The following PDZD2 variants were observed in gnomAD, a reference collection of about 807,000 sequenced individuals.
PDZD2 encodes PDZ domain-containing protein 2.
Under a neutral mutation model 220.7 loss-of-function variants are expected in PDZD2, and 90 were observed. That is an observed-to-expected ratio of 0.41 (90% confidence interval 0.34 to 0.49). The LOEUF (loss-of-function observed/expected upper bound fraction) is 0.49, where lower values mean the gene tolerates loss of function less well. Ranked by LOEUF, PDZD2 falls within the 20% of genes least tolerant of loss-of-function variation. PDZD2 has a pLI of 0.28. For synonymous variants in PDZD2, 1,375 were observed against 1,450.5 expected (o/e 0.95, Z 1.18); for missense variants, 3,174 against 3,608.5 (o/e 0.88, Z 3.08).
At chr5:31,986,928 A>G (rs1316047786) in intron 3 of PDZD2, among the ~76,000 whole-genome samples, 3 of 152,186 alleles carry the variant, frequency 2.0e-5, no homozygotes, top group African/African-American at 7.2e-5. Flanking sequence ...TATTTTCTTT[A>G]AACAAATTTT....
rs779255765 is a variant in PDZD2 at position 32,000,245 on chromosome 5, A to C, written c.1228A>C (p.Met410Leu). ...GGCCATTCTTCGCTCCGCCACGGGA[A>C]TGGTGCAGCTTGTGGTGGCCAGCAA... The part of the protein sequence containing the change: ...AVAILRSATG[M>L]VQLVVASKEN... The change falls in exon 5 of 25, where the codon ATG (methionine) becomes CTG (leucine). Residue 410 changes from methionine (M) to leucine (L), a missense_variant. Around this residue, in one of 4 missense-constraint regions of PDZD2, gnomAD observed 632 missense variants for 708.1 expected, o/e 0.89. Coordinates refer to ENST00000438447, the MANE Select transcript of PDZD2 (RefSeq NM_178140.4). This position sits in a 1 kb window ranked among gnomAD's most constrained non-coding sequence, Gnocchi z 4.5. The C allele has an allele frequency of 6.2e-7, 1 of 1,614,094 alleles. No homozygotes were observed. Among genetic ancestry groups the C allele is most frequent in the Non-Finnish European group, 8.5e-7 (1 of 1,179,980 alleles).
intron 1 of PDZD2, among the ~76,000 whole-genome samples, chr5:31,668,876 A>T (rs532352243): frequency 8.2e-4 from 125 of 152,344 alleles, no homozygotes; most frequent in African/African-American, 3.0e-3. Flanking sequence ...TTTTAATAAA[A>T]ATTAAAATAG....
intron 1 of PDZD2, among the ~76,000 whole-genome samples, chr5:31,769,551 CT>C: frequency 6.6e-6 from 1 of 152,320 alleles, no homozygotes; most frequent in South Asian, 2.1e-4. Flanking sequence ...TGAATTTTGC[CT>C]AAAAGAGCCC....
At chr5:31,865,629 T>C (rs1400539236) in intron 2 of PDZD2, among the ~76,000 whole-genome samples, 7 of 104,452 alleles carry the variant, frequency 6.7e-5, no homozygotes, top group African/African-American at 2.4e-4. Flanking sequence ...AACTTTTTTT[T>C]TTTTTTTTTT....
intron 1 of PDZD2, among the ~76,000 whole-genome samples, chr5:31,781,309 G>T (rs1173868014): frequency 6.6e-6 from 1 of 152,220 alleles, no homozygotes; most frequent in Non-Finnish European, 1.5e-5. Flanking sequence ...AGCTACTCAT[G>T]AGGCTGAGGC....
rs201822397 is a variant in PDZD2, at chr5:32,098,555, C to T, written c.8139C>T (p.Pro2713=). 9.4e-5 allele frequency: 152 copies of T among 1,614,048 alleles called. 1 individual carries two copies. In the Middle Eastern group the frequency reaches 1.2e-3, roughly 12 times the overall value. The change falls in exon 23 of 25, where the codon CCC becomes CCT. Residue 2713 remains proline, a synonymous_variant. Coordinates refer to ENST00000438447, the MANE Select transcript of PDZD2 (RefSeq NM_178140.4). This position sits in a 1 kb window ranked among gnomAD's most constrained non-coding sequence, Gnocchi z 4.1. ...VIKKGMDQPR[P]SARQEPPTAN... is the part of the protein sequence containing the mutation. Reference sequence around the variant, plus strand: ...AGAAAGGGATGGATCAGCCCAGGCCCTCTGCCCGGCAGGAGCCTCCCACAG... The same window carrying T: ...AGAAAGGGATGGATCAGCCCAGGCCTTCTGCCCGGCAGGAGCCTCCCACAG...
At chr5:31,886,179 G>A (rs145053171) in intron 2 of PDZD2, among the ~76,000 whole-genome samples, 22 of 152,264 alleles carry the variant, frequency 1.4e-4, no homozygotes, top group African/African-American at 1.9e-4. Flanking sequence ...GGTTACAGGC[G>A]TGAGCCACTG....
intron 20 of PDZD2, among the ~76,000 whole-genome samples, chr5:32,091,676 T>C (rs1305583675): frequency 6.6e-6 from 1 of 152,250 alleles, no homozygotes; most frequent in Non-Finnish European, 1.5e-5. Context: ...TACCATTAAC[T>C]ACAGACTTCA....
At chr5:31,775,280 T>G (rs1752573566) in intron 1 of PDZD2, among the ~76,000 whole-genome samples, 1 of 151,764 alleles carries the variant, frequency 6.6e-6, no homozygotes, top group East Asian at 1.9e-4. Flanking sequence ...GATCCTTGTC[T>G]GAGTGGGGAG....
intron 21 of PDZD2, among the ~76,000 whole-genome samples, chr5:32,095,750 T>C (rs1301011790): frequency 6.6e-6 from 1 of 151,584 alleles, no homozygotes; most frequent in Non-Finnish European, 1.5e-5. Context: ...TTTTTTTTTT[T>C]CTTTTCTTGA....
rs138339293 is a variant in PDZD2 at position 32,060,510 on chromosome 5, A to G, written c.2319-492A>G. 2.8e-3 allele frequency among the ~76,000 whole-genome samples: 420 copies of G among 152,306 alleles called. 4 individuals carry two copies. The highest frequency in any genetic ancestry group is 9.4e-3 in the African/African-American group (390 of 41,572). On this transcript the variant is annotated intron_variant, in intron 13 of 24. Transcript: ENST00000438447. The stretch of plus-strand genomic sequence containing the variant: ...GTTATATTATAATAATCATTTCAAG[A>G]TGGTAGGAAGAGAGAACTGCTGGTG...
chr5:32,073,846 G>A lies in PDZD2; in HGVS notation c.2740G>A (p.Gly914Arg). The change falls in exon 18 of 25, where the codon GGA becomes AGA. Residue 914 changes from glycine to arginine, a missense_variant. Transcript: ENST00000438447. ...ACCTCCACCAGCTCACAAGGAGCCT[G>A]GAAAACCCAGAGCCAACAGCCTCGT... ...PPSTSTHKEP[G>R]KPRANSLVTL... 6.2e-7 allele frequency: 1 copy of A among 1,608,534 alleles called. No individual in the cohort carries two copies. The highest frequency in any genetic ancestry group is 8.5e-7 in the Non-Finnish European group (1 of 1,178,070).
At chr5:31,922,797 G>A (rs921231804) in intron 2 of PDZD2, among the ~76,000 whole-genome samples, 2 of 152,052 alleles carry the variant, frequency 1.3e-5, no homozygotes, top group Non-Finnish European at 2.9e-5. Flanking sequence ...TCCTGCCTCA[G>A]CCTCCTGAGT....
At chr5:31,914,985 G>A (rs141106602) in intron 2 of PDZD2, among the ~76,000 whole-genome samples, 33 of 152,326 alleles carry the variant, frequency 2.2e-4, no homozygotes, top group African/African-American at 7.2e-4. Flanking sequence ...GGGAAAGCCT[G>A]AAGTGGTGAA....
At chr5:31,783,708 C>T (rs1380211876) in intron 1 of PDZD2, among the ~76,000 whole-genome samples, 1 of 152,098 alleles carries the variant, frequency 6.6e-6, no homozygotes, top group Non-Finnish European at 1.5e-5. Context: ...TTTCCTATAG[C>T]ACCTCCCTCT....
At chr5:32,070,884 A>T (rs1740677395) in intron 15 of PDZD2, among the ~76,000 whole-genome samples, 1 of 152,128 alleles carries the variant, frequency 6.6e-6, no homozygotes, top group African/African-American at 2.4e-5. Context: ...AATCCCAGCT[A>T]CCCGGGAGGC....
chr5:31,982,974 T>C (rs1750415697), intron 2 of PDZD2, among the ~76,000 whole-genome samples, 181 bp from the exon 3 acceptor site: 1 of 152,210 alleles, frequency 6.6e-6, no homozygotes, highest in Non-Finnish European at 1.5e-5. Flanking sequence ...GGTAATTGTT[T>C]GTATCAATTA....
At chr5:31,948,073 A>G (rs927705702) in intron 2 of PDZD2, among the ~76,000 whole-genome samples, 4 of 152,216 alleles carry the variant, frequency 2.6e-5, no homozygotes, top group African/African-American at 9.7e-5. Flanking sequence ...GAAATACTTT[A>G]TTATAACCCA....
chr5:31,935,400 T>G (rs986641684), intron 2 of PDZD2, among the ~76,000 whole-genome samples: 4 of 152,192 alleles, frequency 2.6e-5, no homozygotes. Flanking sequence ...ACATTCTATT[T>G]CCTGATAAAA....
Sources: allele counts gnomAD v4.1 joint callset (sites outside exome capture counted in the v4.1 genomes callset), GRCh38; gene constraint gnomAD v4.1.1; regional missense constraint gnomAD v4.1.1; non-coding constraint Gnocchi (gnomAD v3.1); transcripts MANE v1.5; gene names NCBI Gene and HGNC (gene_info 2026-07-23, HGNC 2026-07-21).